The following NALF2 variants were observed in gnomAD, a reference collection of about 807,000 sequenced individuals.
NALF2 encodes the protein bB57D9.1 (TED protein).
In NALF2, 1 loss-of-function variant was observed where a neutral mutation model predicts 24.8. The observed-to-expected ratio is 0.04, with a 90% CI of 0.01 to 0.19. NALF2 has a LOEUF of 0.19. Among genes scored for constraint, NALF2 ranks in the 10% least tolerant of loss-of-function variants. The pLI is 1.00. For synonymous variants in NALF2, 254 were observed against 189.8 expected (o/e 1.34, Z -2.78); for missense variants, 458 against 409.6 (o/e 1.12, Z -1.02).
At chrX:69,516,726 G>A (rs964057156) in intron 1 of NALF2, among the ~76,000 whole-genome samples, 1 of 111,829 alleles carries the variant, frequency 8.9e-6, no homozygotes, top group Non-Finnish European at 1.9e-5. Context: ...GCCCTGGGTA[G>A]GAAGCTGATG....
At chrX:69,516,436 A>G (rs1188837784) in intron 1 of NALF2, among the ~76,000 whole-genome samples, 1 of 112,146 alleles carries the variant, frequency 8.9e-6, no homozygotes, top group Non-Finnish European at 1.9e-5. Flanking sequence ...CTAACTCTCT[A>G]TCTAACTGGA....
At chrX:69,526,695 T>G (rs1024848828) in intron 1 of NALF2, among the ~76,000 whole-genome samples, 1 of 110,080 alleles carries the variant, frequency 9.1e-6, no homozygotes, top group Non-Finnish European at 1.9e-5. Context: ...GTAAGGGAGA[T>G]CCTCTCTGAG....
At chrX:69,517,838 T>A (rs1239093687) in intron 1 of NALF2, among the ~76,000 whole-genome samples, 1 of 112,866 alleles carries the variant, frequency 8.9e-6, no homozygotes, top group African/African-American at 3.2e-5. Flanking sequence ...ATCACATCTC[T>A]GTTCTCTCCA....
Position 69,529,765 on chromosome X carries a change from C to T in NALF2, c.1228C>T (p.Arg410Cys), listed in dbSNP as rs138872063. 61 of 1,209,613 alleles carry T rather than the reference C, an allele frequency of 5.0e-5. No individual in the cohort carries two copies. Among genetic ancestry groups the T allele is most frequent in the Non-Finnish European group, 6.7e-5 (60 of 894,986 alleles). Residue 410 changes from arginine (R) to cysteine (C), a missense_variant, in exon 3 of 3, where the codon CGT (arginine) becomes TGT (cysteine). Physicochemically the swap from Arg to Cys is radical, Grantham distance 180. Transcript: ENST00000252338. ...HYHPHHDPPG[R>C]VSNKPALLPV... is the part of the protein sequence containing the mutation. ...CCACCCCCATCATGATCCCCCAGGC[C>T]GTGTCAGCAACAAGCCCGCCCTGCT...
intron 1 of NALF2, among the ~76,000 whole-genome samples, chrX:69,528,070 ATGT>A (rs1266257915): frequency 6.4e-5 from 7 of 109,984 alleles, no homozygotes; most frequent in Admixed American, 3.9e-4. Flanking sequence ...GAGGCCAGAG[ATGT>A]TGTGCAGTAT....
intron 1 of NALF2, among the ~76,000 whole-genome samples, chrX:69,522,086 A>C (rs751235503): frequency 8.9e-6 from 1 of 112,160 alleles, no homozygotes; most frequent in East Asian, 2.8e-4. Context: ...AAAATAAGGA[A>C]GAACTTCTGT....
At chrX:69,525,608 C>G (rs1930795964) in intron 1 of NALF2, among the ~76,000 whole-genome samples, 3 of 109,168 alleles carry the variant, frequency 2.7e-5, no homozygotes, top group Admixed American at 9.8e-5. Flanking sequence ...TTGTTCTTAC[C>G]CATCTTTCTT....
At chrX:69,525,240 AG>A (rs1263638746) in intron 1 of NALF2, among the ~76,000 whole-genome samples, 2 of 111,801 alleles carry the variant, frequency 1.8e-5, no homozygotes, top group African/African-American at 6.5e-5. Flanking sequence ...ACACTGAACT[AG>A]AAGAGCCCAG....
rs1350682498 is a variant in NALF2, at chrX:69,530,080, T to G, written c.*124T>G. On this transcript the variant is annotated 3_prime_UTR_variant, in exon 3 of 3. Transcript: ENST00000252338. ...GGTGGGGGCGGGGGAAATGGGGGAA[T>G]GACACATCCCCCCCAACCTACCCCC... 7.8e-6 allele frequency: 4 copies of G among 512,754 alleles called. No homozygotes were observed. The highest frequency in any genetic ancestry group is 1.2e-5 in the Non-Finnish European group (4 of 324,813). 42.3% of individuals were successfully genotyped at this position (512,754 alleles called of 1,213,427 possible). A position where few individuals can be genotyped will look rare whatever the true frequency, so the allele number is the denominator to read the frequency against.
At chrX:69,526,656 A>T (rs1460588689) in intron 1 of NALF2, among the ~76,000 whole-genome samples, 1 of 111,495 alleles carries the variant, frequency 9.0e-6, no homozygotes, top group Non-Finnish European at 1.9e-5. Flanking sequence ...AAAAGAGAAT[A>T]ATGAGGGCAG....
chrX:69,507,298 T>C (rs1196566214), intron 1 of NALF2, among the ~76,000 whole-genome samples: 2 of 111,598 alleles, frequency 1.8e-5, no homozygotes, highest in Non-Finnish European at 3.8e-5. Flanking sequence ...AGGGCTTCCA[T>C]GCTTTTAGCG....
chrX:69,510,823 G>C (rs1475942454), intron 1 of NALF2, among the ~76,000 whole-genome samples: 1 of 111,656 alleles, frequency 9.0e-6, no homozygotes, highest in East Asian at 2.8e-4. Flanking sequence ...GTGAGGACAA[G>C]TGAGGACCCA....
rs1215043470 is a variant in NALF2, at chrX:69,505,821, C to T, written c.539C>T (p.Pro180Leu). Residue 180 changes from proline to leucine, a missense_variant, in exon 1 of 3, where the codon CCC becomes CTC. By Grantham distance (98) the Pro-to-Leu change is moderately conservative. Coordinates refer to ENST00000252338, the MANE Select transcript of NALF2 (RefSeq NM_015686.3). ...DSLSRAPAEFPSAKKNLLKGH... is the reference protein window; with the variant it reads ...DSLSRAPAEFLSAKKNLLKGH... Reference sequence around the variant, plus strand: ...CTTTCCCGTGCCCCGGCCGAGTTCCCCTCCGCCAAAAAAAACTTGCTCAAA... The same window carrying T: ...CTTTCCCGTGCCCCGGCCGAGTTCCTCTCCGCCAAAAAAAACTTGCTCAAA... 2 of 1,211,064 alleles carry T rather than the reference C, an allele frequency of 1.7e-6. No individual in the cohort carries two copies. Among genetic ancestry groups the T allele is most frequent in the African/African-American group, 3.5e-5 (2 of 57,779 alleles).
intron 1 of NALF2, among the ~76,000 whole-genome samples, chrX:69,511,327 A>C (rs991283297): frequency 9.1e-6 from 1 of 109,435 alleles, no homozygotes; most frequent in Admixed American, 9.7e-5. Flanking sequence ...TGCATCACTC[A>C]CACCCCACTC....
chrX:69,507,292 C>T (rs1377932388), intron 1 of NALF2, among the ~76,000 whole-genome samples: 1 of 111,576 alleles, frequency 9.0e-6, no homozygotes, highest in Non-Finnish European at 1.9e-5. Context: ...TTCTGCAGGG[C>T]TTCCATGCTT....
chrX:69,518,220 C>T (rs1488119268), intron 1 of NALF2, among the ~76,000 whole-genome samples: 1 of 111,777 alleles, frequency 8.9e-6, no homozygotes, highest in Non-Finnish European at 1.9e-5. Context: ...CAGGGCAGGG[C>T]AGTGCAGGGC....
intron 1 of NALF2, among the ~76,000 whole-genome samples, chrX:69,528,301 G>A (rs771349325): frequency 2.7e-5 from 3 of 112,111 alleles, no homozygotes; most frequent in East Asian, 2.8e-4. Context: ...CAAATGAAAC[G>A]TAGCAGTGTG....
chrX:69,517,078 C>T, intron 1 of NALF2, among the ~76,000 whole-genome samples: 1 of 111,150 alleles, frequency 9.0e-6, no homozygotes, highest in Non-Finnish European at 1.9e-5. Flanking sequence ...GGGACCATCC[C>T]AAGGGCAATA....
At position 69,524,622 on chromosome X, in the gene NALF2, T is replaced by C. The variant is rs1429931449; in HGVS notation, c.862-4371T>C. Among the ~76,000 whole-genome samples the C allele has an allele frequency of 3.2e-5, 3 of 93,637 alleles. No individual in the cohort carries two copies. In the East Asian group the frequency reaches 1.3e-3, roughly 40 times the overall value. The allele number at this position is 93,637 out of a possible 115,157, so 81.3% of individuals were successfully genotyped here. The stretch of plus-strand genomic sequence containing the variant: ...TTGTAGACAAGTGCCCAGGAACCTG[T>C]GAATGCCCAAACAACCTCCCCCGTC... On this transcript the variant is annotated intron_variant, in intron 1 of 2. Transcript: ENST00000252338.
Sources: gnomAD v4.1 joint callset for allele counts (sites outside exome capture counted in the v4.1 genomes callset) on GRCh38, gnomAD v4.1.1 for gene constraint, MANE v1.5 for transcripts, NCBI Gene and HGNC (gene_info 2026-07-23, HGNC 2026-07-21) for gene names.